Variants in BCKDHB observed in about 807,000 individuals in gnomAD.
BCKDHB encodes 2-oxoisovalerate dehydrogenase subunit beta, mitochondrial.
Under a neutral mutation model 48.5 loss-of-function variants are expected in BCKDHB, and 41 were observed. That is an observed-to-expected ratio of 0.85 (90% CI 0.66 to 1.10). The LOEUF (loss-of-function observed/expected upper bound fraction) is 1.10. BCKDHB is among the 50% of genes least tolerant of loss of function. BCKDHB has a pLI of 0.00. For synonymous variants in BCKDHB, 201 were observed against 174.8 expected, an observed-to-expected ratio of 1.15 and a Z score of -1.18; for missense variants, 496 against 494.2, an observed-to-expected ratio of 1.00 and a Z score of -0.03.
At position 80,190,741 on chromosome 6, in the gene BCKDHB, A is replaced by G. The variant is rs79880568; in HGVS notation, c.743-10193A>G. 2.1e-3 allele frequency among the ~76,000 whole-genome samples: 318 copies of G among 152,250 alleles called. 6 individuals are homozygous for G. The East Asian group carries it at 0.051, about 25-fold the overall frequency. Reference sequence around the variant, plus strand: ...TTTGTTAGTTGTCTGTCATCCTCACACTTGCCCTTCTGTGTTTTCTTCTGT... The same window carrying G: ...TTTGTTAGTTGTCTGTCATCCTCACGCTTGCCCTTCTGTGTTTTCTTCTGT... On this transcript the variant is annotated intron_variant, in intron 6 of 9. Transcript: ENST00000320393.
At chr6:80,244,452 T>G (rs952536604) in intron 8 of BCKDHB, among the ~76,000 whole-genome samples, 118 of 152,368 alleles carry the variant, frequency 7.7e-4, no homozygotes, top group African/African-American at 2.7e-3. Context: ...GAGCTCCAAC[T>G]TAATTATAAG....
the BCKDHB span, among the ~76,000 whole-genome samples, chr6:80,447,799 G>A: frequency 6.6e-6 from 1 of 152,060 alleles, no homozygotes; most frequent in Non-Finnish European, 1.5e-5. Context: ...ACAAGAACTG[G>A]ACTAGGCACT....
chr6:80,303,547 A>G (rs1767693882), intron 9 of BCKDHB, among the ~76,000 whole-genome samples: 1 of 152,092 alleles, frequency 6.6e-6, no homozygotes, highest in Non-Finnish European at 1.5e-5. Flanking sequence ...CAGAAAGGAT[A>G]CTGACACAAT....
chr6:80,440,797 T>G, the BCKDHB span: 1 of 152,194 alleles, frequency 6.6e-6, no homozygotes, highest in East Asian at 1.9e-4. Flanking sequence ...GCTTTAATTT[T>G]CTTGCCATTT....
intron 8 of BCKDHB, among the ~76,000 whole-genome samples, chr6:80,209,922 A>G (rs1774839823): frequency 1.3e-5 from 2 of 152,178 alleles, no homozygotes; most frequent in East Asian, 1.9e-4. Context: ...TTACACAATC[A>G]AAAAGAAAAG....
the BCKDHB span, among the ~76,000 whole-genome samples, chr6:80,396,346 T>C: frequency 6.6e-6 from 1 of 152,358 alleles, no homozygotes; most frequent in African/African-American, 2.4e-5. Context: ...TCTATCCTCA[T>C]TATATCTGGA....
the BCKDHB span, among the ~76,000 whole-genome samples, chr6:80,423,609 T>C: frequency 6.6e-6 from 1 of 152,232 alleles, no homozygotes; most frequent in Non-Finnish European, 1.5e-5. Context: ...ATATTTAATC[T>C]CCACATCTCT....
At chr6:80,181,982 A>C (rs1773434240) in intron 6 of BCKDHB, among the ~76,000 whole-genome samples, 2 of 152,298 alleles carry the variant, frequency 1.3e-5, no homozygotes. Flanking sequence ...TATATACTGT[A>C]AGACTGTTTT....
intron 3 of BCKDHB, among the ~76,000 whole-genome samples, chr6:80,140,472 C>A (rs190619755): frequency 1.3e-5 from 2 of 152,076 alleles, no homozygotes; most frequent in Non-Finnish European, 2.9e-5. Context: ...TTTTGAGATA[C>A]GTCCCATGAA....
At chr6:80,178,171 C>G (rs751500323) in intron 6 of BCKDHB, among the ~76,000 whole-genome samples, 3 of 152,184 alleles carry the variant, frequency 2.0e-5, no homozygotes, top group Non-Finnish European at 2.9e-5. Context: ...GTATTTTCTA[C>G]GTGGAGTCAG....
chr6:80,127,630 C>A lies in BCKDHB; in HGVS notation c.274+6C>A, dbSNP rs1194047577. ...GGCCAAAGATCCTACTGCAGGTAAC[C>A]CTGATATGTGCCTGAATTGTGGTAG... On this transcript the variant is annotated splice_donor_region_variant and intron_variant, in intron 2 of 9. Transcript: ENST00000320393. The A allele has an allele frequency of 5.0e-6, 8 of 1,608,442 alleles. No individual in the cohort carries two copies. The highest frequency in any genetic ancestry group is 4.3e-6 in the Non-Finnish European group (5 of 1,175,046).
intron 1 of BCKDHB, among the ~76,000 whole-genome samples, chr6:80,108,858 C>CA (rs1171470997): frequency 6.6e-6 from 1 of 151,952 alleles, no homozygotes; most frequent in Non-Finnish European, 1.5e-5. Context: ...GACTCTGTCT[C>CA]AAAAAAACCC....
intron 1 of BCKDHB, among the ~76,000 whole-genome samples, chr6:80,108,144 C>G (rs954328086): frequency 3.3e-5 from 5 of 152,054 alleles, no homozygotes; most frequent in South Asian, 4.1e-4. Context: ...CAAGATTACA[C>G]AGGTAAGTTA....
the BCKDHB span, among the ~76,000 whole-genome samples, chr6:80,391,177 A>ATGTGTGTGTGTG: frequency 1.3e-5 from 2 of 149,110 alleles, no homozygotes; most frequent in South Asian, 2.2e-4. Flanking sequence ...GCATATATAT[A>ATGTGTGTGTGTG]TGTGTGTGTG....
intron 3 of BCKDHB, among the ~76,000 whole-genome samples, chr6:80,162,284 A>G (rs1772354339): frequency 6.6e-6 from 1 of 152,160 alleles, no homozygotes; most frequent in Admixed American, 6.5e-5. Context: ...GATGCCACTA[A>G]TAAGAACTTG....
At chr6:80,320,279 G>C (rs781215912) in intron 9 of BCKDHB, among the ~76,000 whole-genome samples, 1 of 152,054 alleles carries the variant, frequency 6.6e-6, no homozygotes, top group African/African-American at 2.4e-5. Flanking sequence ...AGACGCAACA[G>C]GTTTTGATAA....
At chr6:80,436,648 C>A in the BCKDHB span, among the ~76,000 whole-genome samples, 1 of 152,062 alleles carries the variant, frequency 6.6e-6, no homozygotes, top group East Asian at 1.9e-4. Context: ...ATTTTTAAGC[C>A]TTTTCTTTGT....
chr6:80,235,377 C>T (rs1016998351), intron 8 of BCKDHB, among the ~76,000 whole-genome samples: 29 of 152,240 alleles, frequency 1.9e-4, no homozygotes, highest in Non-Finnish European at 3.7e-4. Flanking sequence ...TTTATAACCT[C>T]ATAACCTAAA....
the BCKDHB span, among the ~76,000 whole-genome samples, chr6:80,403,470 G>GT: frequency 2.6e-5 from 4 of 151,824 alleles, no homozygotes; most frequent in African/African-American, 9.7e-5. Context: ...ATTTAAAATA[G>GT]TTTTTTGGTG....
Sources: allele counts gnomAD v4.1 joint callset (sites outside exome capture counted in the v4.1 genomes callset), GRCh38; gene constraint gnomAD v4.1.1; transcripts MANE v1.5; gene names NCBI Gene and HGNC (gene_info 2026-07-23, HGNC 2026-07-21).